Variants in SHISA9 observed in about 807,000 individuals in gnomAD.
SHISA9 encodes the protein protein shisa-9.
A neutral mutation model predicts 38.0 loss-of-function variants in SHISA9; 13 were observed. The ratio of observed to expected loss-of-function variants is 0.34; its 90% CI spans 0.22 to 0.54. The LOEUF is 0.54. Among genes scored for constraint, SHISA9 ranks in the 20% least tolerant of loss-of-function variants. The pLI is 0.91. For synonymous variants in SHISA9, 275 were observed against 242.0 expected, an observed-to-expected ratio of 1.14 and a Z score of -1.27; for missense variants, 538 against 575.8, an observed-to-expected ratio of 0.93 and a Z score of 0.67.
chr16:13,036,958 C>T (rs549976704), intron 2 of SHISA9, among the ~76,000 whole-genome samples: 1 of 152,122 alleles, frequency 6.6e-6, no homozygotes, highest in South Asian at 2.1e-4. Flanking sequence ...TCTCACCAAC[C>T]ACTTGTAAAT....
At chr16:13,038,812 C>T (rs1188786111) in intron 2 of SHISA9, among the ~76,000 whole-genome samples, 1 of 152,230 alleles carries the variant, frequency 6.6e-6, no homozygotes, top group Admixed American at 6.5e-5. Context: ...TTGCCCACTA[C>T]TGAATTACTA....
the SHISA9 span, among the ~76,000 whole-genome samples, chr16:13,410,927 T>C: frequency 6.6e-6 from 1 of 152,148 alleles, no homozygotes; most frequent in Non-Finnish European, 1.5e-5. Context: ...AAAGAAGCAA[T>C]TGTCATTAAT....
chr16:13,208,443 C>CTTTTTTTTTTTTT (rs71395107), intron 3 of SHISA9, among the ~76,000 whole-genome samples: 6 of 125,072 alleles, frequency 4.8e-5, no homozygotes, highest in East Asian at 4.5e-4. Flanking sequence ...CTTTTTTTTT[C>CTTTTTTTTTTTTT]TTTTTTTTTT....
chr16:13,517,432 A>T, the SHISA9 span, among the ~76,000 whole-genome samples: 2 of 152,230 alleles, frequency 1.3e-5, no homozygotes, highest in Non-Finnish European at 2.9e-5. Context: ...TGCACATTAT[A>T]ACCAGGTTTC....
At chr16:13,159,721 A>G (rs2050579208) in intron 2 of SHISA9, among the ~76,000 whole-genome samples, 1 of 152,208 alleles carries the variant, frequency 6.6e-6, no homozygotes, top group South Asian at 2.1e-4. Context: ...GAGAACACAG[A>G]CTCACAGATA....
chr16:12,990,876 A>G (rs942302045), intron 2 of SHISA9, among the ~76,000 whole-genome samples: 2 of 152,180 alleles, frequency 1.3e-5, no homozygotes, highest in Non-Finnish European at 2.9e-5. Context: ...TAGCTTTTCT[A>G]TGGTTTTCTT....
intron 2 of SHISA9, among the ~76,000 whole-genome samples, chr16:13,176,205 C>CA (rs2050730375): frequency 1.3e-5 from 2 of 151,924 alleles, no homozygotes; most frequent in Non-Finnish European, 2.9e-5. Context: ...AAGACTGTAT[C>CA]TAGATTTGGA....
chr16:13,254,175 T>C, the SHISA9 span, among the ~76,000 whole-genome samples: 3 of 152,218 alleles, frequency 2.0e-5, no homozygotes, highest in Non-Finnish European at 4.4e-5. Context: ...GCAATTTGCA[T>C]ACATTAGCAG....
At chr16:13,476,196 C>T in the SHISA9 span, among the ~76,000 whole-genome samples, 1 of 152,118 alleles carries the variant, frequency 6.6e-6, no homozygotes, top group East Asian at 1.9e-4. Flanking sequence ...AGGAAAGGAT[C>T]CCCACTCCCC....
At chr16:13,314,910 G>C in the SHISA9 span, among the ~76,000 whole-genome samples, 2 of 152,162 alleles carry the variant, frequency 1.3e-5, no homozygotes, top group African/African-American at 4.8e-5. Context: ...CTACAATATA[G>C]AACCTGTAGT....
chr16:13,516,246 T>C, the SHISA9 span, among the ~76,000 whole-genome samples: 1 of 152,238 alleles, frequency 6.6e-6, no homozygotes, highest in Non-Finnish European at 1.5e-5. Context: ...ATGGCTTCCA[T>C]GTTTGCACAC....
At chr16:13,359,031 A>G in the SHISA9 span, among the ~76,000 whole-genome samples, 1 of 152,192 alleles carries the variant, frequency 6.6e-6, no homozygotes, top group Non-Finnish European at 1.5e-5. Context: ...TCCTGAAGGT[A>G]AAGAATTTCT....
chr16:13,562,990 A>G, the SHISA9 span: 1 of 152,092 alleles, frequency 6.6e-6, no homozygotes, highest in Non-Finnish European at 1.5e-5. Context: ...GTGTTCTTTC[A>G]TATTAAAGGA....
chr16:13,137,047 C>T (rs571214942), intron 2 of SHISA9, among the ~76,000 whole-genome samples: 1 of 152,188 alleles, frequency 6.6e-6, no homozygotes, highest in Non-Finnish European at 1.5e-5. Context: ...CATGATACCA[C>T]CTTGCATTCT....
chr16:13,393,540 C>T, the SHISA9 span, among the ~76,000 whole-genome samples: 1 of 152,156 alleles, frequency 6.6e-6, no homozygotes, highest in Non-Finnish European at 1.5e-5. Context: ...GGATTTGGGG[C>T]AGGAGGGAAT....
the SHISA9 span, among the ~76,000 whole-genome samples, chr16:13,440,414 A>C: frequency 6.6e-6 from 1 of 152,316 alleles, no homozygotes; most frequent in Middle Eastern, 3.4e-3. Context: ...TCAGGGATAG[A>C]GTTTAAGCTC....
downstream of SHISA9, among the ~76,000 whole-genome samples, chr16:13,242,295 TC>T (rs1366892889): frequency 1.3e-5 from 2 of 152,146 alleles, no homozygotes; most frequent in Non-Finnish European, 1.5e-5. Flanking sequence ...AAATGCTGAT[TC>T]CCAAGCTCCC....
the SHISA9 span, among the ~76,000 whole-genome samples, chr16:13,493,855 A>C: frequency 1.3e-5 from 2 of 152,220 alleles, no homozygotes; most frequent in African/African-American, 4.8e-5. Context: ...TGAGTGGATC[A>C]ATACATACAT....
downstream of SHISA9, among the ~76,000 whole-genome samples, chr16:13,244,695 A>G (rs918679986): frequency 2.6e-5 from 4 of 152,210 alleles, no homozygotes; most frequent in African/African-American, 7.2e-5. Flanking sequence ...TTCCGACTAC[A>G]TGGGGTTTGT....
Sources: allele counts gnomAD v4.1 joint callset (sites outside exome capture counted in the v4.1 genomes callset), GRCh38; gene constraint gnomAD v4.1.1; transcripts MANE v1.5; gene names NCBI Gene and HGNC (gene_info 2026-07-23, HGNC 2026-07-21).